Variants in GFOD1 observed in about 807,000 individuals in gnomAD.
GFOD1 encodes Gfo/Idh/MocA-like oxidoreductase domain containing 1.
A neutral mutation model predicts 25.4 loss-of-function variants in GFOD1; 9 were observed. The ratio of observed to expected loss-of-function variants is 0.35; its 90% CI spans 0.21 to 0.62. The LOEUF (loss-of-function observed/expected upper bound fraction) is 0.62. GFOD1 is among the 20% of genes least tolerant of loss of function. GFOD1 has a pLI of 0.72. For synonymous variants in GFOD1, 253 were observed against 245.6 expected (o/e 1.03, Z -0.28); for missense variants, 403 against 556.9 (o/e 0.72, Z 2.78).
At chr6:13,381,735 T>G (rs1487285181) in intron 1 of GFOD1, among the ~76,000 whole-genome samples, 1 of 152,050 alleles carries the variant, frequency 6.6e-6, no homozygotes, top group African/African-American at 2.4e-5. Flanking sequence ...GTGGCTTGCT[T>G]TGTGCTCCAG....
chr6:13,441,965 A>C (rs1164195008), intron 1 of GFOD1, among the ~76,000 whole-genome samples: 1 of 152,174 alleles, frequency 6.6e-6, no homozygotes, highest in Non-Finnish European at 1.5e-5. Context: ...GGCCAGACAC[A>C]CCCACACACA....
At chr6:13,454,915 A>G (rs2560761) in intron 1 of GFOD1, among the ~76,000 whole-genome samples, 110,423 of 152,058 alleles carry the variant, frequency 0.73, 40,284 homozygotes, top group South Asian at 0.85. Context: ...GGATATTAGC[A>G]TCACCTCCTG....
intron 1 of GFOD1, among the ~76,000 whole-genome samples, chr6:13,422,126 A>G (rs551704007): frequency 6.6e-6 from 1 of 152,200 alleles, no homozygotes; most frequent in East Asian, 1.9e-4. Context: ...ACAAGAACAC[A>G]TGCACAAACA....
intron 1 of GFOD1, among the ~76,000 whole-genome samples, chr6:13,408,526 G>A (rs1785987328): frequency 6.6e-6 from 1 of 152,166 alleles, no homozygotes; most frequent in Non-Finnish European, 1.5e-5. Flanking sequence ...AGGAGCTCAG[G>A]TGAACAACTC....
In GFOD1 at chr6:13,398,023, T is replaced by C. The variant is rs145035396; in HGVS notation, c.254-32361A>G. ...AGAAGGAAGTCTGAGAAGCTGTGTA[T>C]AGGGGAAAGTGCAAACCTGGAGCCT... On this transcript the variant is annotated intron_variant, in intron 1 of 1. Transcript: ENST00000379287. Among the ~76,000 whole-genome samples, 260 of 152,298 alleles carry C rather than the reference T, an allele frequency of 1.7e-3. 1 individual carries two copies. The highest frequency in any genetic ancestry group is 6.0e-3 in the African/African-American group (250 of 41,558).
chr6:13,364,872 G>A lies in GFOD1; in HGVS notation c.1044C>T (p.Asp348=). 1 of 1,613,994 alleles carries A rather than the reference G, an allele frequency of 6.2e-7. No individual in the cohort carries two copies. The highest frequency in any genetic ancestry group is 1.3e-5 in the African/African-American group (1 of 75,068). The change falls in exon 2 of 2, where the codon GAC becomes GAT. Residue 348 remains aspartate (D), a synonymous_variant. Coordinates refer to ENST00000379287, the MANE Select transcript of GFOD1 (RefSeq NM_018988.4). The surrounding 1 kb of genome is among the most constrained non-coding windows in gnomAD (Gnocchi z 4.1). ...CCGTCTGGCTGGACCTCTTGATGGTGTCCACCACGCACAAGGCATACAGGC... is the reference window on the plus strand; with the variant it reads ...CCGTCTGGCTGGACCTCTTGATGGTATCCACCACGCACAAGGCATACAGGC... The part of the protein sequence containing the change: ...DDCLYALCVV[D]TIKRSSQTGE...
chr6:13,450,965 G>A (rs749363713), intron 1 of GFOD1, among the ~76,000 whole-genome samples: 1 of 152,190 alleles, frequency 6.6e-6, no homozygotes, highest in Non-Finnish European at 1.5e-5. Flanking sequence ...GTAAATCCCA[G>A]GCCTCAGCTG....
Position 13,458,947 on chromosome 6 carries a change from C to G in GFOD1, c.253+27691G>C, listed in dbSNP as rs1318126629. Among the ~76,000 whole-genome samples, 4 of 152,004 alleles carry G rather than the reference C, an allele frequency of 2.6e-5. No homozygotes were observed. The East Asian group carries it at 7.7e-4, about 29-fold the overall frequency. On this transcript the variant is annotated intron_variant, in intron 1 of 1. Transcript: ENST00000379287. ...TGGACAGCAAGAAGAAAGGCACATG[C>G]AGAAAGGATCCAGAGATTTTGTCCT...
intron 1 of GFOD1, among the ~76,000 whole-genome samples, chr6:13,410,576 A>AT: frequency 1.4e-5 from 1 of 73,316 alleles, no homozygotes; most frequent in African/African-American, 6.6e-5. Context: ...AAAGAAAGAA[A>AT]GGAGAGAGAG....
intron 1 of GFOD1, among the ~76,000 whole-genome samples, chr6:13,438,297 A>T (rs1757864573): frequency 6.6e-6 from 1 of 152,248 alleles, no homozygotes; most frequent in African/African-American, 2.4e-5. Flanking sequence ...TTACATAAGA[A>T]TGAAGAGAAA....
At chr6:13,459,871 C>T (rs1263362330) in intron 1 of GFOD1, among the ~76,000 whole-genome samples, 1 of 152,178 alleles carries the variant, frequency 6.6e-6, no homozygotes, top group African/African-American at 2.4e-5. Flanking sequence ...TGGTGGCTCA[C>T]ACCTGTAATC....
intron 1 of GFOD1, among the ~76,000 whole-genome samples, chr6:13,428,047 G>A (rs972311359): frequency 3.9e-5 from 6 of 152,168 alleles, no homozygotes; most frequent in Non-Finnish European, 7.4e-5. Flanking sequence ...ACAGTGCCCC[G>A]AGCTACATCA....
rs151236506 is a variant in GFOD1 at position 13,404,512 on chromosome 6, G to A, written c.254-38850C>T. On this transcript the variant is annotated intron_variant, in intron 1 of 1. Coordinates refer to ENST00000379287, the MANE Select transcript of GFOD1 (RefSeq NM_018988.4). Reference sequence around the variant, plus strand: ...CTGCTGCTTTTTTGCTACAGCCAAGGGGGTGGCTTAATTTCCTTCAGCCTC... The same window carrying A: ...CTGCTGCTTTTTTGCTACAGCCAAGAGGGTGGCTTAATTTCCTTCAGCCTC... Among the ~76,000 whole-genome samples, 31 of 152,270 alleles carry A rather than the reference G, an allele frequency of 2.0e-4. No individual in the cohort carries two copies. In the East Asian group the frequency reaches 5.8e-3, roughly 28 times the overall value.
rs1363877801 is a variant in GFOD1 at position 13,363,479 on chromosome 6, T to C, written c.*1264A>G. The C allele has an allele frequency of 6.6e-6, 1 of 152,116 alleles. No homozygotes were observed. Among genetic ancestry groups the C allele is most frequent in the Non-Finnish European group, 1.5e-5 (1 of 68,016 alleles). The allele number at this position is 152,116 out of a possible 1,614,324, so 9.4% of individuals were successfully genotyped here. A position where few individuals can be genotyped will look rare whatever the true frequency, so the allele number is the denominator to read the frequency against. On this transcript the variant is annotated 3_prime_UTR_variant, in exon 2 of 2. Coordinates refer to ENST00000379287, the MANE Select transcript of GFOD1 (RefSeq NM_018988.4). ...TAATGTTCCTTGTTGTCCTTTTGTTTTGTTTCGTTTAGTACCTACCCCCAA... is the reference window on the plus strand; with the variant it reads ...TAATGTTCCTTGTTGTCCTTTTGTTCTGTTTCGTTTAGTACCTACCCCCAA...
intron 1 of GFOD1, among the ~76,000 whole-genome samples, chr6:13,403,481 T>C (rs1785888829): frequency 6.6e-6 from 1 of 152,206 alleles, no homozygotes; most frequent in Non-Finnish European, 1.5e-5. Flanking sequence ...TACAACCTAT[T>C]GCTCCTAGGC....
At chr6:13,372,144 A>C (rs1298011735) in intron 1 of GFOD1, among the ~76,000 whole-genome samples, 3 of 152,248 alleles carry the variant, frequency 2.0e-5, no homozygotes, top group Admixed American at 6.5e-5. Flanking sequence ...TGGAGCTGAG[A>C]GATACCTTCC....
At chr6:13,472,548 G>T (rs1758532629) in intron 1 of GFOD1, among the ~76,000 whole-genome samples, 1 of 152,138 alleles carries the variant, frequency 6.6e-6, no homozygotes, top group Non-Finnish European at 1.5e-5. Flanking sequence ...TAAAGAAACT[G>T]GGGCTTCAAA....
chr6:13,461,111 A>G (rs1255331223), intron 1 of GFOD1, among the ~76,000 whole-genome samples: 1 of 152,194 alleles, frequency 6.6e-6, no homozygotes, highest in Non-Finnish European at 1.5e-5. Flanking sequence ...ATCTTTGTCT[A>G]TTGGCATGGG....
intron 1 of GFOD1, among the ~76,000 whole-genome samples, chr6:13,454,126 G>A (rs907700902): frequency 6.6e-6 from 1 of 152,124 alleles, no homozygotes; most frequent in Non-Finnish European, 1.5e-5. Flanking sequence ...AAGCAGAGAC[G>A]AGGTGATGCA....
Sources: gnomAD v4.1 joint callset for allele counts (sites outside exome capture counted in the v4.1 genomes callset) on GRCh38, gnomAD v4.1.1 for gene constraint, Gnocchi (gnomAD v3.1) non-coding constraint, MANE v1.5 for transcripts, NCBI Gene and HGNC (gene_info 2026-07-23, HGNC 2026-07-21) for gene names.